Variants in ANKRD6 observed in about 807,000 individuals in gnomAD.
ANKRD6 encodes ankyrin repeat domain 6, also known as ankyrin repeat domain-containing protein 6.
Under a neutral mutation model 82.3 loss-of-function variants are expected in ANKRD6, and 56 were observed. That is an observed-to-expected ratio of 0.68 (90% CI 0.55 to 0.85). ANKRD6 has a LOEUF of 0.85. Among genes scored for constraint, ANKRD6 ranks in the 40% least tolerant of loss-of-function variants. ANKRD6 has a pLI of 0.00. For synonymous variants in ANKRD6, 347 were observed against 352.1 expected (o/e 0.99, Z 0.16); for missense variants, 852 against 907.6 (o/e 0.94, Z 0.79).
chr6:89,479,632 A>G (rs956053173), intron 1 of ANKRD6, among the ~76,000 whole-genome samples: 2 of 144,676 alleles, frequency 1.4e-5, no homozygotes, highest in East Asian at 4.0e-4. Flanking sequence ...TTTATTTATT[A>G]TTATTATACT....
At chr6:89,609,361 G>C (rs972221661) in intron 5 of ANKRD6, among the ~76,000 whole-genome samples, 1 of 151,892 alleles carries the variant, frequency 6.6e-6, no homozygotes, top group Admixed American at 6.6e-5. Flanking sequence ...GAGTGCAATG[G>C]CTCAATCTCG....
At chr6:89,557,658 G>A (rs139145534) in intron 1 of ANKRD6, among the ~76,000 whole-genome samples, 52 of 152,296 alleles carry the variant, frequency 3.4e-4, no homozygotes, top group African/African-American at 1.3e-3. Flanking sequence ...CTTGTCCGTG[G>A]CCTGTTAGGA....
At chr6:89,584,418 T>C (rs1332561690) in intron 2 of ANKRD6, among the ~76,000 whole-genome samples, 1 of 152,240 alleles carries the variant, frequency 6.6e-6, no homozygotes, top group Non-Finnish European at 1.5e-5. Context: ...TTTTCTTTTC[T>C]TTCTTTTAAG....
chr6:89,579,631 C>T lies in ANKRD6; in HGVS notation c.120+12535C>T, dbSNP rs369842489. 7.9e-5 allele frequency among the ~76,000 whole-genome samples: 12 copies of T among 151,832 alleles called. No individual in the cohort carries two copies. The East Asian group carries it at 1.6e-3, about 20-fold the overall frequency. ...AATTAGTCGGGTGTGGTGGTGCACGCCTGTAATCCCAGCTACTTGGGAGCC... is the reference window on the plus strand; with the variant it reads ...AATTAGTCGGGTGTGGTGGTGCACGTCTGTAATCCCAGCTACTTGGGAGCC... On this transcript the variant is annotated intron_variant, in intron 2 of 15. Coordinates refer to ENST00000339746, the MANE Select transcript of ANKRD6 (RefSeq NM_001242809.2).
At chr6:89,538,750 T>C (rs578213440) in intron 1 of ANKRD6, among the ~76,000 whole-genome samples, 1 of 152,204 alleles carries the variant, frequency 6.6e-6, no homozygotes, top group East Asian at 1.9e-4. Flanking sequence ...ATGTAGGAAA[T>C]CCTAGAGTTC....
At chr6:89,545,323 G>T (rs997662687) in intron 1 of ANKRD6, among the ~76,000 whole-genome samples, 13 of 152,156 alleles carry the variant, frequency 8.5e-5, no homozygotes, top group African/African-American at 2.9e-4. Flanking sequence ...TGTCCTTATC[G>T]CAAGTATCAG....
intron 1 of ANKRD6, among the ~76,000 whole-genome samples, chr6:89,480,009 G>C (rs1374928774): frequency 1.3e-5 from 2 of 152,062 alleles, no homozygotes; most frequent in Non-Finnish European, 2.9e-5. Flanking sequence ...TTTGTATCAC[G>C]TGTGATGAAG....
chr6:89,533,845 G>C (rs1022673204), intron 1 of ANKRD6, among the ~76,000 whole-genome samples: 2 of 152,086 alleles, frequency 1.3e-5, no homozygotes, highest in African/African-American at 4.8e-5. Flanking sequence ...CAGTGACTGA[G>C]TGGGAGCCAA....
intron 9 of ANKRD6, among the ~76,000 whole-genome samples, chr6:89,619,097 T>A (rs1318993368): frequency 2.6e-5 from 4 of 152,144 alleles, no homozygotes; most frequent in African/African-American, 9.7e-5. Context: ...CTGGAAATGG[T>A]TAAGATTTTT....
chr6:89,510,883 G>A (rs1298277692), intron 1 of ANKRD6, among the ~76,000 whole-genome samples: 1 of 152,146 alleles, frequency 6.6e-6, no homozygotes, highest in East Asian at 1.9e-4. Flanking sequence ...ATATCTGTTG[G>A]GTAAGTGAGT....
chr6:89,600,159 G>A (rs1372983058), intron 3 of ANKRD6, among the ~76,000 whole-genome samples: 3 of 152,188 alleles, frequency 2.0e-5, no homozygotes, highest in Non-Finnish European at 4.4e-5. Context: ...TGAGCTGCTT[G>A]CATTGAGCTA....
intron 11 of ANKRD6, 147 bp downstream of exon 11, chr6:89,623,691 A>G: frequency 7.5e-7 from 1 of 1,337,102 alleles, no homozygotes; most frequent in Non-Finnish European, 1.0e-6. Flanking sequence ...TCTGGCTAAC[A>G]TCAGACATAA....
intron 1 of ANKRD6, among the ~76,000 whole-genome samples, chr6:89,451,636 T>A (rs1270504612): frequency 1.3e-5 from 2 of 152,238 alleles, no homozygotes; most frequent in Non-Finnish European, 2.9e-5. Flanking sequence ...TTATGCTCAG[T>A]GCATTTCTGT....
chr6:89,623,845 G>A (rs199509255), intron 11 of ANKRD6, 27 bp from the exon 12 acceptor site: 3 of 1,601,348 alleles, frequency 1.9e-6, no homozygotes, highest in African/African-American at 1.3e-5. Context: ...AAAGCGTTCA[G>A]GGGTGTTGTC....
Position 89,632,871 on chromosome 6 carries a change from G to A in ANKRD6, c.*1867G>A, listed in dbSNP as rs367945777. 7.9e-5 allele frequency: 12 copies of A among 152,196 alleles called. No homozygotes were observed. The highest frequency in any genetic ancestry group is 3.9e-4 in the Admixed American group (6 of 15,284). 9.4% of individuals were successfully genotyped at this position (152,196 alleles called of 1,614,324 possible). The stretch of plus-strand genomic sequence containing the variant: ...ATTCCTCAGTATACATCAATTTATT[G>A]AGAACTGCCTAATACTCAAGAAATT... On this transcript the variant is annotated 3_prime_UTR_variant, in exon 16 of 16. Coordinates refer to ENST00000339746, the MANE Select transcript of ANKRD6 (RefSeq NM_001242809.2).
chr6:89,496,386 C>G lies in ANKRD6; in HGVS notation c.-144+63011C>G, dbSNP rs905577627. Among the ~76,000 whole-genome samples the G allele has an allele frequency of 2.2e-4, 34 of 152,262 alleles. 1 individual carries two copies. Among genetic ancestry groups the G allele is most frequent in the African/African-American group, 8.2e-4 (34 of 41,544 alleles). ...TGATAACAAGCTTGCAGGAAACTCACTGAAGTCAACGTGTAAACACAGAGA... is the reference window on the plus strand; with the variant it reads ...TGATAACAAGCTTGCAGGAAACTCAGTGAAGTCAACGTGTAAACACAGAGA... On this transcript the variant is annotated intron_variant, in intron 1 of 15. Transcript: ENST00000339746.
intron 10 of ANKRD6, among the ~76,000 whole-genome samples, chr6:89,623,019 G>A (rs1283948106): frequency 1.8e-4 from 23 of 126,416 alleles, no homozygotes; most frequent in Non-Finnish European, 4.0e-4. Flanking sequence ...GGGGAGTGGG[G>A]GGTGGGGGGG....
In ANKRD6 at chr6:89,616,635, C is replaced by T. The variant is rs1485057776; in HGVS notation, c.692C>T (p.Ala231Val). The T allele has an allele frequency of 6.2e-7, 1 of 1,614,056 alleles. No homozygotes were observed. The highest frequency in any genetic ancestry group is 2.2e-5 in the East Asian group (1 of 44,886). Residue 231 changes from alanine to valine, a missense_variant, in exon 8 of 16, where the codon GCA becomes GTA. By Grantham distance (64) the Ala-to-Val change is moderately conservative. Transcript: ENST00000339746. The stretch of plus-strand genomic sequence containing the variant: ...GCCAAAATCTTACTGGAAGCCGGAG[C>T]AGATACGACCATTGTTAACAATGTA... ...KVAKILLEAG[A>V]DTTIVNNAGQ...
intron 1 of ANKRD6, chr6:89,561,498 A>G (rs1487340015): frequency 6.6e-6 from 1 of 152,212 alleles, no homozygotes; most frequent in Non-Finnish European, 1.5e-5. Context: ...CTGTGGGAGT[A>G]GATCTTCTCA....
Sources: allele counts gnomAD v4.1 joint callset (sites outside exome capture counted in the v4.1 genomes callset), GRCh38; gene constraint gnomAD v4.1.1; transcripts MANE v1.5; gene names NCBI Gene and HGNC (gene_info 2026-07-23, HGNC 2026-07-21).